DAAM1: variants seen among roughly 807,000 people sequenced by gnomAD.
DAAM1 encodes the protein dishevelled associated activator of morphogenesis 1.
In DAAM1, 52 loss-of-function variants were observed where a neutral mutation model predicts 130.0. That is an observed-to-expected ratio of 0.40 (90% CI 0.32 to 0.50). DAAM1 has a LOEUF of 0.50. Ranked by LOEUF, DAAM1 falls within the 20% of genes least tolerant of loss-of-function variation. The pLI, the probability that DAAM1 is intolerant of heterozygous loss-of-function variation, is 0.61. For missense variants in DAAM1, 1,134 were observed against 1,303.8 expected, an observed-to-expected ratio of 0.87 and a Z score of 2.01; for synonymous variants, 452 against 444.5, an observed-to-expected ratio of 1.02 and a Z score of -0.21.
rs561690055 is a variant in DAAM1 at position 59,285,108 on chromosome 14, C to A, written c.184-6109C>A. ...AAACCCCATCAAGCTAACAGTGGAC[C>A]TTTCGGCAGAAACCTTATAAGCCAG... On this transcript the variant is annotated intron_variant, in intron 2 of 24. Coordinates refer to ENST00000360909, the MANE Select transcript of DAAM1 (RefSeq NM_001270520.2). Among the ~76,000 whole-genome samples, 14 of 152,242 alleles carry A rather than the reference C, an allele frequency of 9.2e-5. No individual in the cohort carries two copies. The South Asian group carries it at 2.9e-3, about 32-fold the overall frequency.
At position 59,324,335 on chromosome 14, in the gene DAAM1, G is replaced by T. The variant is rs1445137329; in HGVS notation, c.886-16G>T. On this transcript the variant is annotated splice_polypyrimidine_tract_variant and intron_variant, in intron 7 of 24. Coordinates refer to ENST00000360909, the MANE Select transcript of DAAM1 (RefSeq NM_001270520.2). The stretch of plus-strand genomic sequence containing the variant: ...AAAAACCACAAATATGTATTTTATT[G>T]CCATTTTACTTTCAGGAGAGTTTGG... 6.5e-7 allele frequency: 1 copy of T among 1,544,360 alleles called. No homozygotes were observed.
At chr14:59,271,083 G>A (rs1368475730) in intron 2 of DAAM1, among the ~76,000 whole-genome samples, 1 of 152,102 alleles carries the variant, frequency 6.6e-6, no homozygotes, top group African/African-American at 2.4e-5. Context: ...GTTTTTCTAA[G>A]CCTGAAATGT....
At chr14:59,340,894 T>A (rs564243460) in intron 16 of DAAM1, among the ~76,000 whole-genome samples, 3 of 152,290 alleles carry the variant, frequency 2.0e-5, no homozygotes, top group African/African-American at 7.2e-5. Flanking sequence ...TACCTAATGC[T>A]TATGGAGTGA....
At chr14:59,291,127 TG>T in intron 2 of DAAM1, 89 bp from the exon 3 acceptor site, 1 of 1,042,402 alleles carries the variant, frequency 9.6e-7, no homozygotes, top group South Asian at 1.6e-5. Flanking sequence ...TTTGTGTTTT[TG>T]TTTTTTTTCT....
chr14:59,263,453 TCAAGAAATA>T lies in DAAM1; in HGVS notation c.-24_-16del. On this transcript the variant is annotated 5_prime_UTR_variant, in exon 2 of 25. In the 5' UTR this introduces an upstream ATG that the reference lacks. Transcript: ENST00000360909. ...CCTCTTTTTGCAGCGTTTAGTCACA[TCAAGAAATA>T]GAACAGAATTCAGCCATGGCCCCAA... is the stretch of plus-strand genomic sequence containing the variant. 6.2e-7 allele frequency: 1 copy of T among 1,613,758 alleles called. No homozygotes were observed. Among genetic ancestry groups the T allele is most frequent in the Non-Finnish European group, 8.5e-7 (1 of 1,179,676 alleles).
intron 12 of DAAM1, among the ~76,000 whole-genome samples, chr14:59,328,197 A>G (rs1217905141): frequency 6.6e-6 from 1 of 152,236 alleles, no homozygotes; most frequent in Non-Finnish European, 1.5e-5. Flanking sequence ...GCCATAACTG[A>G]TATCAGAAAA....
At chr14:59,270,871 TTCC>T (rs1882680964) in intron 2 of DAAM1, among the ~76,000 whole-genome samples, 1 of 152,212 alleles carries the variant, frequency 6.6e-6, no homozygotes, top group Non-Finnish European at 1.5e-5. Context: ...GCAACTGCTT[TTCC>T]TGTGTGAGAT....
At chr14:59,227,341 G>A (rs1454319926) in intron 1 of DAAM1, among the ~76,000 whole-genome samples, 5 of 152,128 alleles carry the variant, frequency 3.3e-5, no homozygotes, top group Admixed American at 1.3e-4. Context: ...GAGGGGAAAA[G>A]TCTCTGGTTC....
chr14:59,341,563 G>C (rs988633107), intron 16 of DAAM1, among the ~76,000 whole-genome samples: 3 of 151,982 alleles, frequency 2.0e-5, no homozygotes, highest in Non-Finnish European at 4.4e-5. Flanking sequence ...CACTGTGCCT[G>C]ATTTATAAAT....
At chr14:59,330,458 T>G (rs1187465688) in intron 12 of DAAM1, 43 bp from the exon 13 acceptor site, 2 of 1,510,064 alleles carry the variant, frequency 1.3e-6, no homozygotes, top group Non-Finnish European at 1.8e-6. Context: ...GCTTCAGCTT[T>G]GAAGACTCTC....
chr14:59,213,207 A>G (rs1888480196), intron 1 of DAAM1, among the ~76,000 whole-genome samples: 1 of 152,102 alleles, frequency 6.6e-6, no homozygotes, highest in African/African-American at 2.4e-5. Flanking sequence ...GTGGAGTCCC[A>G]GGATTCCAGA....
At chr14:59,270,090 GAAAT>G (rs1332105508) in intron 2 of DAAM1, among the ~76,000 whole-genome samples, 2 of 152,166 alleles carry the variant, frequency 1.3e-5, no homozygotes, top group Non-Finnish European at 2.9e-5. Flanking sequence ...TAAATTTACA[GAAAT>G]AACCATGGTT....
intron 12 of DAAM1, among the ~76,000 whole-genome samples, chr14:59,329,924 TA>T (rs1395910930): frequency 6.6e-6 from 1 of 152,190 alleles, no homozygotes; most frequent in Non-Finnish European, 1.5e-5. Context: ...ACTGAAAGCA[TA>T]AAATACTTCA....
chr14:59,201,115 T>A lies in DAAM1; in HGVS notation c.-38+12347T>A, dbSNP rs540650418. 4.2e-5 allele frequency among the ~76,000 whole-genome samples: 6 copies of A among 141,710 alleles called. No individual in the cohort carries two copies. The South Asian group carries it at 1.3e-3, about 31-fold the overall frequency. 93.0% of individuals were successfully genotyped at this position (141,710 alleles called of 152,430 possible). On this transcript the variant is annotated intron_variant, in intron 1 of 24. Coordinates refer to ENST00000360909, the MANE Select transcript of DAAM1 (RefSeq NM_001270520.2). ...GGCAGAGCTTGCAGTGAGCGGAGGTTGTGACACTGCACTCCAGCCTGGGCG... is the reference window on the plus strand; with the variant it reads ...GGCAGAGCTTGCAGTGAGCGGAGGTAGTGACACTGCACTCCAGCCTGGGCG...
chr14:59,285,401 C>T (rs1361370352), intron 2 of DAAM1, among the ~76,000 whole-genome samples: 9 of 152,080 alleles, frequency 5.9e-5, no homozygotes, highest in South Asian at 2.1e-4. Flanking sequence ...AACCAGCTAA[C>T]GGCACAATGA....
intron 1 of DAAM1, among the ~76,000 whole-genome samples, chr14:59,244,045 C>G (rs1057473589): frequency 6.6e-6 from 1 of 152,136 alleles, no homozygotes; most frequent in Non-Finnish European, 1.5e-5. Flanking sequence ...CAAATGTCAT[C>G]TTGAATTGTA....
Position 59,371,183 on chromosome 14 carries a change from C to CTT in DAAM1, c.*2330_*2331dup, listed in dbSNP as rs1245653453. On this transcript the variant is annotated 3_prime_UTR_variant, in exon 25 of 25. Coordinates refer to ENST00000360909, the MANE Select transcript of DAAM1 (RefSeq NM_001270520.2). ...TTCTCTCTTGGGTGTGTATTTTAAA[C>CTT]TTTTTTTGTTTTTTTAAATTAATGC... 6.6e-6 allele frequency: 1 copy of CTT among 150,632 alleles called. No homozygotes were observed. Among genetic ancestry groups the CTT allele is most frequent in the African/African-American group, 2.4e-5 (1 of 41,034 alleles). 9.3% of individuals were successfully genotyped at this position (150,632 alleles called of 1,614,324 possible). A position where few individuals can be genotyped will look rare whatever the true frequency, so the allele number is the denominator to read the frequency against.
At chr14:59,244,474 T>C (rs1881277103) in intron 1 of DAAM1, among the ~76,000 whole-genome samples, 1 of 152,168 alleles carries the variant, frequency 6.6e-6, no homozygotes, top group Non-Finnish European at 1.5e-5. Context: ...TATGTGGATG[T>C]GAACTGATTA....
Position 59,340,134 on chromosome 14 carries a change from GTGAT to G in DAAM1, c.2034_2037del (p.Ile678MetfsTer15). The G allele has an allele frequency of 1.9e-6, 3 of 1,613,588 alleles. No individual in the cohort carries two copies. The highest frequency in any genetic ancestry group is 2.5e-6 in the Non-Finnish European group (3 of 1,179,648). Reference sequence around the variant, plus strand: ...CAAACTTAAAGTTAAAGAGCTTTCGGTGATTGATGGTCGGAGAGCTCAGAATTGC... The same window carrying G: ...CAAACTTAAAGTTAAAGAGCTTTCGGTGATGGTCGGAGAGCTCAGAATTGC... On this transcript the variant is annotated frameshift_variant, in exon 16 of 25. Coordinates refer to ENST00000360909, the MANE Select transcript of DAAM1 (RefSeq NM_001270520.2). LOFTEE classifies it high-confidence loss of function.
Sources: allele counts gnomAD v4.1 joint callset (sites outside exome capture counted in the v4.1 genomes callset), GRCh38; gene constraint gnomAD v4.1.1; transcripts MANE v1.5; gene names NCBI Gene and HGNC (gene_info 2026-07-23, HGNC 2026-07-21).